Variants in VPS53 observed in about 807,000 individuals in gnomAD.
VPS53 encodes the protein VPS53 subunit of GARP complex.
VPS53 carries 70 observed loss-of-function variants against 107.0 expected under a neutral mutation model. The ratio of observed to expected loss-of-function variants is 0.65; its 90% CI spans 0.54 to 0.80. VPS53 has a LOEUF of 0.80. Among genes scored for constraint, VPS53 ranks in the 30% least tolerant of loss-of-function variants. VPS53 has a pLI of 0.00. For missense variants in VPS53, 917 were observed against 1,049.4 expected (o/e 0.87, Z 1.74); for synonymous variants, 409 against 393.3 (o/e 1.04, Z -0.47).
intron 7 of VPS53, 97 bp downstream of exon 7, chr17:653,194 G>T: frequency 6.4e-7 from 1 of 1,558,828 alleles, no homozygotes; most frequent in Non-Finnish European, 8.7e-7. Flanking sequence ...CGGATCTGCG[G>T]AATCCCCATA....
Position 513,665 on chromosome 17 carries a change from G to A in VPS53, c.*5463C>T. 6.7e-6 allele frequency: 1 copy of A among 148,336 alleles called. No individual in the cohort carries two copies. The highest frequency in any genetic ancestry group is 6.7e-5 in the Admixed American group (1 of 14,836). 9.2% of individuals were successfully genotyped at this position (148,336 alleles called of 1,614,324 possible). On this transcript the variant is annotated 3_prime_UTR_variant, in exon 22 of 22. Coordinates refer to ENST00000437048, the MANE Select transcript of VPS53 (RefSeq NM_001128159.3). ...CAGGTTATTCCGAGTGCTCTTCCTA[G>A]CGAAGGAATCCCATTTCCAGCAGGT...
At chr17:571,680 T>C (rs1048270623) in intron 13 of VPS53, among the ~76,000 whole-genome samples, 3 of 152,268 alleles carry the variant, frequency 2.0e-5, no homozygotes, top group African/African-American at 4.8e-5. Flanking sequence ...GTGCCTGCGA[T>C]TGCAGGCGCG....
intron 13 of VPS53, among the ~76,000 whole-genome samples, chr17:570,817 G>C (rs1348509209): frequency 6.6e-6 from 1 of 152,150 alleles, no homozygotes; most frequent in Non-Finnish European, 1.5e-5. Context: ...CAGTAATACT[G>C]TATCACTGTG....
chr17:669,592 T>TAAAAAAAAAAAAAAAAAAAAA (rs200157618), intron 4 of VPS53, among the ~76,000 whole-genome samples: 73 of 110,202 alleles, frequency 6.6e-4, no homozygotes, highest in Middle Eastern at 5.6e-3. Flanking sequence ...TACTCTGTCT[T>TAAAAAAAAAAAAAAAAAAAAA]AAAAAAAAAA....
At chr17:560,386 A>C (rs746702001) in intron 15 of VPS53, 40 bp downstream of exon 15, 6 of 1,594,476 alleles carry the variant, frequency 3.8e-6, no homozygotes, top group Non-Finnish European at 5.1e-6. Flanking sequence ...CAGAGGGTTC[A>C]GGAAAAGGAG....
At chr17:588,601 G>GGA (rs1301284218) in intron 12 of VPS53, among the ~76,000 whole-genome samples, 1 of 152,112 alleles carries the variant, frequency 6.6e-6, no homozygotes, top group Non-Finnish European at 1.5e-5. Context: ...TTACCTTTCA[G>GGA]GAGTTCCATG....
chr17:702,397 G>C (rs556898078), intron 2 of VPS53, among the ~76,000 whole-genome samples: 4 of 152,264 alleles, frequency 2.6e-5, no homozygotes, highest in African/African-American at 9.6e-5. Context: ...TGGGCGCGGT[G>C]GCTCATGCCT....
intron 4 of VPS53, among the ~76,000 whole-genome samples, chr17:665,491 T>G (rs1241421990): frequency 6.6e-6 from 1 of 152,182 alleles, no homozygotes; most frequent in Non-Finnish European, 1.5e-5. Flanking sequence ...TATCAAGAAG[T>G]GGGCTACTGC....
intron 7 of VPS53, among the ~76,000 whole-genome samples, chr17:644,368 C>T (rs931734132): frequency 6.6e-6 from 1 of 152,190 alleles, no homozygotes; most frequent in African/African-American, 2.4e-5. Context: ...AACCCGCCTG[C>T]CATCTCCCGC....
chr17:553,346 G>A, intron 16 of VPS53, 34 bp downstream of exon 16: 3 of 1,602,180 alleles, frequency 1.9e-6, no homozygotes, highest in South Asian at 1.1e-5. Flanking sequence ...TGGAGAAAGG[G>A]CAGGCAGCCA....
intron 7 of VPS53, chr17:632,986 G>GT: frequency 2.9e-6 from 1 of 348,786 alleles, no homozygotes; most frequent in Non-Finnish European, 5.6e-6. Context: ...GACCATTTAA[G>GT]TTCAGAAGTT....
chr17:528,546 A>G (rs1403279008), intron 19 of VPS53, among the ~76,000 whole-genome samples: 5 of 149,810 alleles, frequency 3.3e-5, no homozygotes, highest in Admixed American at 2.0e-4. Flanking sequence ...TGGTGCTGCT[A>G]TGAATATTTG....
intron 10 of VPS53, 46 bp from the exon 11 acceptor site, chr17:623,720 C>G (rs191027532): frequency 1.1e-5 from 17 of 1,567,132 alleles, no homozygotes; most frequent in Non-Finnish European, 4.3e-6. Context: ...GCTGATCATT[C>G]ATTCAGTAGA....
At chr17:567,254 T>G (rs189108960) in intron 13 of VPS53, among the ~76,000 whole-genome samples, 4 of 152,352 alleles carry the variant, frequency 2.6e-5, no homozygotes, top group Non-Finnish European at 5.9e-5. Context: ...ATCTATACTT[T>G]GTAGAATGTC....
At chr17:689,360 C>T (rs1019694110) in intron 4 of VPS53, among the ~76,000 whole-genome samples, 1 of 151,964 alleles carries the variant, frequency 6.6e-6, no homozygotes, top group Non-Finnish European at 1.5e-5. Flanking sequence ...TGTAGAGGTG[C>T]CATCATAGAC....
intron 13 of VPS53, among the ~76,000 whole-genome samples, chr17:567,047 C>T (rs776101380): frequency 2.0e-5 from 3 of 151,920 alleles, no homozygotes; most frequent in Non-Finnish European, 2.9e-5. Flanking sequence ...GCCCAGCCGA[C>T]TCTGATGTGC....
chr17:581,975 C>G (rs1312431363), intron 13 of VPS53, among the ~76,000 whole-genome samples: 3 of 151,536 alleles, frequency 2.0e-5, no homozygotes, highest in Non-Finnish European at 4.4e-5. Flanking sequence ...TAATGTGTTC[C>G]CAGAGAACCT....
At chr17:603,133 C>T (rs1391494292) in intron 11 of VPS53, among the ~76,000 whole-genome samples, 1 of 152,156 alleles carries the variant, frequency 6.6e-6, no homozygotes, top group Non-Finnish European at 1.5e-5. Flanking sequence ...AAAACCAAAA[C>T]TTACACAAAG....
rs546372889 is a variant in VPS53, at chr17:657,444, G to A, written c.373-1491C>T. On this transcript the variant is annotated intron_variant, in intron 5 of 21. Coordinates refer to ENST00000437048, the MANE Select transcript of VPS53 (RefSeq NM_001128159.3). The stretch of plus-strand genomic sequence containing the variant: ...GGGAAGACACTCTCTCAACTTGTGG[G>A]GACTGGTGGACGGACGAGGAGCAAA... The A allele has an allele frequency of 6.4e-4, 629 of 985,290 alleles. 9 individuals are homozygous for A. In the South Asian group the frequency reaches 7.9e-3, roughly 12 times the overall value. 61.0% of individuals were successfully genotyped at this position (985,290 alleles called of 1,614,324 possible).
Sources: allele counts gnomAD v4.1 joint callset (sites outside exome capture counted in the v4.1 genomes callset), GRCh38; gene constraint gnomAD v4.1.1; transcripts MANE v1.5; gene names NCBI Gene and HGNC (gene_info 2026-07-23, HGNC 2026-07-21).